Variants in RNF220 observed in about 807,000 individuals in gnomAD.
RNF220 encodes the protein ring finger protein 220.
RNF220 carries 7 observed loss-of-function variants against 67.1 expected under a neutral mutation model. That is an observed-to-expected ratio of 0.10 (90% CI 0.06 to 0.20). The LOEUF is 0.20. Ranked by LOEUF, RNF220 falls within the 10% of genes least tolerant of loss-of-function variation. RNF220 has a pLI of 1.00. For missense variants in RNF220, 565 were observed against 740.3 expected (o/e 0.76, Z 2.75); for synonymous variants, 270 against 283.2 (o/e 0.95, Z 0.47).
At chr1:44,638,869 AT>A (rs1203951586) in intron 8 of RNF220, among the ~76,000 whole-genome samples, 1 of 152,222 alleles carries the variant, frequency 6.6e-6, no homozygotes, top group Non-Finnish European at 1.5e-5. Flanking sequence ...GGAAATAGGT[AT>A]TACTTCAAGA....
intron 2 of RNF220, among the ~76,000 whole-genome samples, chr1:44,465,498 G>A (rs1288444908): frequency 1.3e-5 from 2 of 150,918 alleles, no homozygotes; most frequent in Non-Finnish European, 2.9e-5. Context: ...TCAAACTCCC[G>A]GGTTCAGGTG....
chr1:44,453,469 TTTG>T (rs1368677730), intron 2 of RNF220, among the ~76,000 whole-genome samples: 5 of 152,126 alleles, frequency 3.3e-5, no homozygotes, highest in Non-Finnish European at 7.4e-5. Context: ...CATTTTTTAT[TTTG>T]TTTTTTATTT....
At chr1:44,471,854 G>A (rs1309611121) in intron 2 of RNF220, among the ~76,000 whole-genome samples, 3 of 151,876 alleles carry the variant, frequency 2.0e-5, no homozygotes, top group African/African-American at 7.3e-5. Context: ...ACAAAAACAA[G>A]AAGCCCTGTA....
At position 44,614,247 on chromosome 1, in the gene RNF220, G is replaced by A; in HGVS notation, c.708G>A (p.Leu236=). 5 of 1,614,202 alleles carry A rather than the reference G, an allele frequency of 3.1e-6. No homozygotes were observed. The highest frequency in any genetic ancestry group is 4.2e-6 in the Non-Finnish European group (5 of 1,180,024). Residue 236 remains leucine, a synonymous_variant, in exon 3 of 15, where the codon CTG becomes CTA. Coordinates refer to ENST00000361799, the MANE Select transcript of RNF220 (RefSeq NM_018150.4). The part of the protein sequence containing the change: ...ICQVLLRPSE[L]QEHMEQELEQ... ...AGGTCCTGCTGAGGCCCAGTGAGCT[G>A]CAGGAGCATATGGAGCAGGAACTGG...
chr1:44,510,664 T>G (rs958485362), intron 2 of RNF220, among the ~76,000 whole-genome samples: 1 of 152,140 alleles, frequency 6.6e-6, no homozygotes, highest in Admixed American at 6.5e-5. Flanking sequence ...ATTCTGTCCT[T>G]CCGGGATGTA....
intron 2 of RNF220, among the ~76,000 whole-genome samples, chr1:44,445,747 A>G (rs1652012313): frequency 6.6e-6 from 1 of 152,160 alleles, no homozygotes; most frequent in Non-Finnish European, 1.5e-5. Context: ...ATTCTACGAA[A>G]CACACTGTCT....
Position 44,649,963 on chromosome 1 carries a change from GTGGCA to G in RNF220, c.1629+10_1629+14del. On this transcript the variant is annotated splice_region_variant and intron_variant, in intron 14 of 14. Transcript: ENST00000361799. This position sits in a 1 kb window ranked among gnomAD's most constrained non-coding sequence, Gnocchi z 5.9. Reference sequence around the variant, plus strand: ...AGTGCTGGCTGCGGACCCTGGTGAGGTGGCATGGGGGTCGGGGAATGGGAGGCCGC... The same window carrying G: ...AGTGCTGGCTGCGGACCCTGGTGAGGTGGGGGTCGGGGAATGGGAGGCCGC... 1 of 1,613,204 alleles carries G rather than the reference GTGGCA, an allele frequency of 6.2e-7. No homozygotes were observed. The highest frequency in any genetic ancestry group is 1.3e-5 in the African/African-American group (1 of 75,022).
chr1:44,632,006 T>C (rs1644148373), intron 5 of RNF220: 22 of 1,022,144 alleles, frequency 2.2e-5, no homozygotes, highest in Non-Finnish European at 2.5e-5. Context: ...GGAGCTGAAG[T>C]GCCGCCGCCG....
intron 2 of RNF220, among the ~76,000 whole-genome samples, chr1:44,502,345 A>T (rs1262228290): frequency 6.6e-6 from 1 of 152,208 alleles, no homozygotes; most frequent in African/African-American, 2.4e-5. Context: ...TTCTACAACC[A>T]TAAAGATAAC....
intron 2 of RNF220, among the ~76,000 whole-genome samples, chr1:44,610,135 C>T (rs1017501952): frequency 3.9e-5 from 6 of 152,184 alleles, no homozygotes; most frequent in Non-Finnish European, 8.8e-5. Context: ...GCGGAATGAG[C>T]GATCCATCTT....
chr1:44,494,206 A>AG (rs386366844), intron 2 of RNF220, among the ~76,000 whole-genome samples: 3 of 1,786 alleles, frequency 1.7e-3, no homozygotes, highest in Non-Finnish European at 0.013. Flanking sequence ...AAACTCTGTC[A>AG]AAAAAAAAAA....
chr1:44,474,933 G>A (rs75492839), intron 2 of RNF220, among the ~76,000 whole-genome samples: 2,268 of 152,178 alleles, frequency 0.015, 77 homozygotes, highest in South Asian at 0.13. Flanking sequence ...GAACTAATCC[G>A]CCATGGATAC....
chr1:44,539,451 C>T (rs145673045), intron 2 of RNF220, among the ~76,000 whole-genome samples: 2 of 152,278 alleles, frequency 1.3e-5, no homozygotes, highest in Non-Finnish European at 2.9e-5. Context: ...TTGAGCCACT[C>T]TACGTGCCAT....
intron 2 of RNF220, among the ~76,000 whole-genome samples, chr1:44,569,185 C>T (rs982917802): frequency 6.6e-6 from 1 of 152,114 alleles, no homozygotes; most frequent in Admixed American, 6.6e-5. Flanking sequence ...TGGAAAGGTG[C>T]TTTTGTCTGT....
chr1:44,427,944 A>G (rs372545702), intron 2 of RNF220, among the ~76,000 whole-genome samples: 2 of 152,264 alleles, frequency 1.3e-5, no homozygotes, highest in East Asian at 1.9e-4. Context: ...CATTATGGGG[A>G]CAGTGACTCC....
chr1:44,574,120 A>AATGG (rs1337455095), intron 2 of RNF220, among the ~76,000 whole-genome samples: 1 of 152,206 alleles, frequency 6.6e-6, no homozygotes, highest in African/African-American at 2.4e-5. Flanking sequence ...TAAATGAATG[A>AATGG]ATGGATGGAT....
chr1:44,519,736 C>T (rs534647117), intron 2 of RNF220, among the ~76,000 whole-genome samples: 20 of 152,222 alleles, frequency 1.3e-4, no homozygotes, highest in East Asian at 1.9e-4. Context: ...ATAGATTGCA[C>T]GGAAAGTCAA....
At chr1:44,634,502 G>C (rs1644267120) in intron 6 of RNF220, among the ~76,000 whole-genome samples, 1 of 152,164 alleles carries the variant, frequency 6.6e-6, no homozygotes, top group Non-Finnish European at 1.5e-5. Flanking sequence ...CTTCCCGTTA[G>C]GGTCACTGTC....
intron 2 of RNF220, among the ~76,000 whole-genome samples, chr1:44,508,260 G>T (rs1475494542): frequency 6.6e-6 from 1 of 152,024 alleles, no homozygotes; most frequent in Admixed American, 6.5e-5. Context: ...AGAAGCTCTT[G>T]GTGTCCTTGG....
Sources: gnomAD v4.1 joint callset for allele counts (sites outside exome capture counted in the v4.1 genomes callset) on GRCh38, gnomAD v4.1.1 for gene constraint, Gnocchi (gnomAD v3.1) non-coding constraint, MANE v1.5 for transcripts, NCBI Gene and HGNC (gene_info 2026-07-23, HGNC 2026-07-21) for gene names.